The following CADM2 variants were observed in gnomAD, a reference collection of about 807,000 sequenced individuals.
CADM2 encodes the protein cell adhesion molecule 2, also known as immunoglobulin superfamily member 4D.
CADM2 carries 12 observed loss-of-function variants against 49.8 expected under a neutral mutation model. The observed-to-expected ratio is 0.24, with a 90% CI of 0.15 to 0.39. The LOEUF is 0.39. Among genes scored for constraint, CADM2 ranks in the 10% least tolerant of loss-of-function variants. The probability of loss-of-function intolerance (pLI) is 1.00; values close to 1 mark genes in which losing one functional copy is unlikely to be tolerated. For synonymous variants in CADM2, 214 were observed against 175.4 expected (o/e 1.22, Z -1.74); for missense variants, 378 against 492.3 (o/e 0.77, Z 2.20).
At chr3:85,487,623 T>G (rs1440410273) in intron 1 of CADM2, among the ~76,000 whole-genome samples, 3 of 122,424 alleles carry the variant, frequency 2.5e-5, no homozygotes, top group Admixed American at 8.4e-5. Flanking sequence ...GAGGAGGAAG[T>G]GGAGGAGGAG....
intron 1 of CADM2, among the ~76,000 whole-genome samples, chr3:85,336,792 C>A (rs1213133200): frequency 6.7e-6 from 1 of 148,460 alleles, no homozygotes; most frequent in Non-Finnish European, 1.5e-5. Flanking sequence ...TCATTTCTTT[C>A]CATTTTAAAG....
intron 1 of CADM2, among the ~76,000 whole-genome samples, chr3:85,493,171 A>G (rs1211174521): frequency 6.6e-6 from 1 of 152,178 alleles, no homozygotes; most frequent in Non-Finnish European, 1.5e-5. Context: ...ATATTGGCAT[A>G]TAATGAAAAC....
intron 1 of CADM2, among the ~76,000 whole-genome samples, chr3:85,361,982 T>C (rs2032393370): frequency 6.6e-6 from 1 of 152,176 alleles, no homozygotes; most frequent in African/African-American, 2.4e-5. Context: ...GGATTTCAGT[T>C]ATTTGCAAAA....
intron 8 of CADM2, among the ~76,000 whole-genome samples, chr3:85,965,659 C>T (rs1002915070): frequency 1.3e-5 from 2 of 151,534 alleles, no homozygotes; most frequent in Non-Finnish European, 3.0e-5. Flanking sequence ...CAAAGCAAGA[C>T]ATAAGTTATA....
At chr3:85,616,022 C>G (rs2063792001) in intron 1 of CADM2, among the ~76,000 whole-genome samples, 2 of 152,004 alleles carry the variant, frequency 1.3e-5, no homozygotes, top group Admixed American at 6.6e-5. Flanking sequence ...CTTGGTAAGA[C>G]AGTCTAGTAA....
intron 1 of CADM2, among the ~76,000 whole-genome samples, chr3:85,290,996 T>C (rs543355789): frequency 9.2e-5 from 14 of 152,228 alleles, no homozygotes; most frequent in African/African-American, 2.6e-4. Context: ...CTCCGAGCTA[T>C]GGGAGGACAT....
At chr3:85,792,003 A>G (rs57306984) in intron 2 of CADM2, among the ~76,000 whole-genome samples, 367 of 152,268 alleles carry the variant, frequency 2.4e-3, no homozygotes, top group African/African-American at 8.2e-3. Context: ...GATTACAGGC[A>G]TAAGCCACCG....
chr3:85,867,053 T>C (rs1016864527), intron 3 of CADM2, among the ~76,000 whole-genome samples: 1 of 152,156 alleles, frequency 6.6e-6, no homozygotes, highest in African/African-American at 2.4e-5. Context: ...TTTAGTATAA[T>C]CATACTATAA....
intron 1 of CADM2, among the ~76,000 whole-genome samples, chr3:85,118,215 A>T (rs947004285): frequency 6.6e-6 from 1 of 151,922 alleles, no homozygotes; most frequent in Non-Finnish European, 1.5e-5. Flanking sequence ...GTTATATGGG[A>T]TATATATGAA....
intron 1 of CADM2, among the ~76,000 whole-genome samples, chr3:85,438,106 GATA>G (rs1410349247): frequency 1.3e-5 from 2 of 151,916 alleles, no homozygotes; most frequent in African/African-American, 4.8e-5. Flanking sequence ...ACAGAAAATA[GATA>G]ACTTTGAATT....
intron 3 of CADM2, among the ~76,000 whole-genome samples, chr3:85,861,940 A>G (rs2075552592): frequency 6.6e-6 from 1 of 152,114 alleles, no homozygotes; most frequent in Non-Finnish European, 1.5e-5. Context: ...ACATGTATTC[A>G]CCTTCATCAC....
intron 1 of CADM2, among the ~76,000 whole-genome samples, chr3:85,033,781 T>C (rs1400013802): frequency 6.6e-6 from 1 of 151,852 alleles, no homozygotes; most frequent in Non-Finnish European, 1.5e-5. Context: ...AAGTACAATA[T>C]ATCAGGATCA....
chr3:85,851,563 G>A (rs2075110256), intron 3 of CADM2, among the ~76,000 whole-genome samples: 1 of 150,498 alleles, frequency 6.6e-6, no homozygotes, highest in Non-Finnish European at 1.5e-5. Flanking sequence ...CATTTTTCAT[G>A]AATTTAAGTC....
chr3:85,344,957 C>T (rs988144153), intron 1 of CADM2, among the ~76,000 whole-genome samples: 1 of 152,084 alleles, frequency 6.6e-6, no homozygotes, highest in Admixed American at 6.6e-5. Flanking sequence ...ACTCTCTTCC[C>T]ATTTTAGCAA....
intron 8 of CADM2, among the ~76,000 whole-genome samples, chr3:85,986,951 C>T (rs565744195): frequency 7.9e-5 from 12 of 152,128 alleles, no homozygotes; most frequent in African/African-American, 2.4e-4. Context: ...TGTGTTATTT[C>T]AGGTTAGCAT....
intron 1 of CADM2, among the ~76,000 whole-genome samples, chr3:85,484,107 T>C (rs13318657): frequency 1.1e-3 from 167 of 152,020 alleles, no homozygotes; most frequent in African/African-American, 3.9e-3. Context: ...GTATATAAAG[T>C]ATAGCTTTTC....
chr3:85,018,400 C>A (rs1296488848), intron 1 of CADM2, among the ~76,000 whole-genome samples: 1 of 152,108 alleles, frequency 6.6e-6, no homozygotes, highest in African/African-American at 2.4e-5. Flanking sequence ...TATTTTGAGA[C>A]AAAGTCTCAC....
At chr3:85,735,699 G>A (rs972518571) in intron 2 of CADM2, among the ~76,000 whole-genome samples, 5 of 152,230 alleles carry the variant, frequency 3.3e-5, no homozygotes, top group Non-Finnish European at 5.9e-5. Flanking sequence ...TTTGCTGGCT[G>A]GAAGTAGGAC....
intron 1 of CADM2, among the ~76,000 whole-genome samples, chr3:85,589,349 C>G (rs1321160830): frequency 6.6e-6 from 1 of 151,966 alleles, no homozygotes; most frequent in Non-Finnish European, 1.5e-5. Context: ...GGGTTGATTC[C>G]TTTCATTCCA....
Sources: gnomAD v4.1 joint callset for allele counts (sites outside exome capture counted in the v4.1 genomes callset) on GRCh38, gnomAD v4.1.1 for gene constraint, MANE v1.5 for transcripts, NCBI Gene and HGNC (gene_info 2026-07-23, HGNC 2026-07-21) for gene names.